Variants in P3H2 observed in about 807,000 individuals in gnomAD.
P3H2 encodes the protein leprecan-like 1.
Under a neutral mutation model 87.0 loss-of-function variants are expected in P3H2, and 80 were observed. The ratio of observed to expected loss-of-function variants is 0.92; its 90% CI spans 0.77 to 1.11. The LOEUF (loss-of-function observed/expected upper bound fraction) is 1.11. P3H2 is among the 50% of genes least tolerant of loss of function. The probability of loss-of-function intolerance (pLI) is 0.00; values close to 1 mark genes in which losing one functional copy is unlikely to be tolerated. For missense variants in P3H2, 1,001 were observed against 923.9 expected (o/e 1.08, Z -1.08); for synonymous variants, 367 against 359.3 (o/e 1.02, Z -0.24).
chr3:189,972,031 G>T (rs1173978263), intron 11 of P3H2, 24 bp from the exon 12 acceptor site: 2 of 1,427,776 alleles, frequency 1.4e-6, no homozygotes, highest in Non-Finnish European at 2.0e-6. Flanking sequence ...GAATAGGGAA[G>T]AACGAGAAAT....
At chr3:190,056,771 A>G (rs1331269051) in intron 1 of P3H2, among the ~76,000 whole-genome samples, 1 of 152,242 alleles carries the variant, frequency 6.6e-6, no homozygotes, top group Non-Finnish European at 1.5e-5. Flanking sequence ...GTCTATTTCT[A>G]TAAATCCAAG....
chr3:190,053,238 G>A (rs1726039772), intron 1 of P3H2, among the ~76,000 whole-genome samples: 1 of 152,072 alleles, frequency 6.6e-6, no homozygotes, highest in South Asian at 2.1e-4. Context: ...CTCTAATGAT[G>A]TTGAGCATTT....
chr3:189,965,602 G>C (rs28393896), intron 13 of P3H2, among the ~76,000 whole-genome samples: 11,007 of 152,244 alleles, frequency 0.072, 1,033 homozygotes, highest in East Asian at 0.32. Context: ...CAGTATCAAT[G>C]TGATTCTGTT....
At chr3:190,037,725 AT>A (rs1221448674) in intron 1 of P3H2, among the ~76,000 whole-genome samples, 1 of 152,250 alleles carries the variant, frequency 6.6e-6, no homozygotes, top group African/African-American at 2.4e-5. Flanking sequence ...TTTATAAGCA[AT>A]TTAACTATGG....
intron 1 of P3H2, among the ~76,000 whole-genome samples, chr3:190,070,612 T>G (rs555418228): frequency 6.6e-6 from 1 of 152,284 alleles, no homozygotes; most frequent in African/African-American, 2.4e-5. Flanking sequence ...AGGCAACGAC[T>G]TACAAGACAA....
intron 1 of P3H2, among the ~76,000 whole-genome samples, chr3:190,104,772 C>G (rs1711766791): frequency 6.6e-6 from 1 of 152,218 alleles, no homozygotes; most frequent in Non-Finnish European, 1.5e-5. Flanking sequence ...AAATCCATCT[C>G]AGATGTCATC....
chr3:190,122,172 G>A (rs1040633059), upstream of P3H2: 4 of 151,150 alleles, frequency 2.6e-5, no homozygotes, highest in Non-Finnish European at 5.9e-5. Flanking sequence ...TCTAAGAGTT[G>A]AACAAAGAGG....
intron 1 of P3H2, among the ~76,000 whole-genome samples, chr3:190,090,050 T>C (rs1246679401): frequency 2.6e-5 from 4 of 152,062 alleles, no homozygotes; most frequent in African/African-American, 9.7e-5. Flanking sequence ...CAATGAATCT[T>C]CTCTGTAGGT....
At chr3:190,074,199 G>A (rs1167982557) in intron 1 of P3H2, among the ~76,000 whole-genome samples, 1 of 152,112 alleles carries the variant, frequency 6.6e-6, no homozygotes, top group Non-Finnish European at 1.5e-5. Flanking sequence ...CAAAAATTGT[G>A]AATTTAAATC....
At chr3:190,107,222 T>G (rs1336883161) in intron 1 of P3H2, among the ~76,000 whole-genome samples, 1 of 152,200 alleles carries the variant, frequency 6.6e-6, no homozygotes, top group Non-Finnish European at 1.5e-5. Flanking sequence ...AATGACTTTC[T>G]TGATATATAT....
chr3:190,023,535 T>C (rs996377903), intron 1 of P3H2, among the ~76,000 whole-genome samples: 5 of 152,038 alleles, frequency 3.3e-5, no homozygotes, highest in Non-Finnish European at 5.9e-5. Flanking sequence ...AACCATCAGA[T>C]CTTGTGAGAA....
At chr3:189,959,023 C>G (rs1722725908) in intron 14 of P3H2, among the ~76,000 whole-genome samples, 1 of 151,982 alleles carries the variant, frequency 6.6e-6, no homozygotes, top group Non-Finnish European at 1.5e-5. Flanking sequence ...ATTGTAAGCC[C>G]TCATCATCTC....
At chr3:190,016,544 T>C (rs532450379) in intron 1 of P3H2, among the ~76,000 whole-genome samples, 4 of 152,340 alleles carry the variant, frequency 2.6e-5, no homozygotes, top group African/African-American at 9.6e-5. Context: ...GCACCCGGCC[T>C]GCTTATTTTA....
At chr3:190,114,956 G>A (rs1048812945) in intron 1 of P3H2, among the ~76,000 whole-genome samples, 9 of 152,122 alleles carry the variant, frequency 5.9e-5, no homozygotes, top group African/African-American at 2.2e-4. Flanking sequence ...ACTTGTCTGG[G>A]TTTTCAATTT....
chr3:189,980,322 T>C (rs547848468), intron 8 of P3H2, among the ~76,000 whole-genome samples: 7 of 152,280 alleles, frequency 4.6e-5, no homozygotes, highest in Admixed American at 2.0e-4. Context: ...CTCAGCACTT[T>C]GGGAGGCCGT....
intron 3 of P3H2, 141 bp from the exon 4 acceptor site, chr3:189,989,179 CA>C: frequency 9.9e-7 from 1 of 1,014,330 alleles, no homozygotes; most frequent in Non-Finnish European, 1.5e-6. Context: ...TTCCGGACTG[CA>C]AAACCTTTTT....
chr3:190,097,556 C>T (rs1224617791), intron 1 of P3H2, among the ~76,000 whole-genome samples: 5 of 151,926 alleles, frequency 3.3e-5, no homozygotes, highest in African/African-American at 1.2e-4. Flanking sequence ...GGTACATATT[C>T]CCCTTCTTTC....
upstream of P3H2, chr3:190,121,028 C>T: frequency 2.4e-6 from 1 of 422,772 alleles, no homozygotes; most frequent in Non-Finnish European, 4.2e-6. Flanking sequence ...GGGCGGCACA[C>T]TCCAGCGCCA....
At chr3:189,986,912 T>C (rs771634426) in intron 5 of P3H2, 35 bp from the exon 6 acceptor site, 38 of 1,352,344 alleles carry the variant, frequency 2.8e-5, no homozygotes, top group Non-Finnish European at 3.7e-5. Flanking sequence ...ACATTTTTTA[T>C]TTAAATAGCA....
Sources: allele counts gnomAD v4.1 joint callset (sites outside exome capture counted in the v4.1 genomes callset), GRCh38; gene constraint gnomAD v4.1.1; transcripts MANE v1.5; gene names NCBI Gene and HGNC (gene_info 2026-07-23, HGNC 2026-07-21).